FRMD6: variants seen among roughly 807,000 people sequenced by gnomAD.
The protein encoded by FRMD6 is FERM domain-containing protein 6.
A neutral mutation model predicts 73.2 loss-of-function variants in FRMD6; 37 were observed. The observed-to-expected ratio is 0.51, with a 90% confidence interval of 0.39 to 0.66. The LOEUF is 0.66. Ranked by LOEUF, FRMD6 falls within the 30% of genes least tolerant of loss-of-function variation. The probability of loss-of-function intolerance (pLI) is 0.00; values close to 1 mark genes in which losing one functional copy is unlikely to be tolerated. For missense variants in FRMD6, 714 were observed against 780.5 expected, an observed-to-expected ratio of 0.91 and a Z score of 1.02; for synonymous variants, 273 against 282.2, an observed-to-expected ratio of 0.97 and a Z score of 0.33.
chr14:51,680,600 TATG>T (rs1480504041), intron 1 of FRMD6, among the ~76,000 whole-genome samples: 13 of 152,090 alleles, frequency 8.5e-5, no homozygotes, highest in Admixed American at 2.6e-4. Flanking sequence ...ACAGAATACT[TATG>T]ATCTTTTTCT....
At chr14:51,693,162 A>T (rs1423671475) in intron 2 of FRMD6, among the ~76,000 whole-genome samples, 1 of 152,204 alleles carries the variant, frequency 6.6e-6, no homozygotes, top group Non-Finnish European at 1.5e-5. Flanking sequence ...TGACTTTGGG[A>T]AAGTTAATTA....
At chr14:51,672,216 A>G (rs1894057895) in intron 1 of FRMD6, among the ~76,000 whole-genome samples, 1 of 152,228 alleles carries the variant, frequency 6.6e-6, no homozygotes, top group South Asian at 2.1e-4. Flanking sequence ...TTGCTTGCTG[A>G]CTGTCTGGAG....
At chr14:51,427,128 C>G in the FRMD6 span, among the ~76,000 whole-genome samples, 1 of 152,134 alleles carries the variant, frequency 6.6e-6, no homozygotes, top group Non-Finnish European at 1.5e-5. Flanking sequence ...CCTTGAGGCT[C>G]AGGACCTTTT....
chr14:51,554,002 G>T (rs1016516060), intron 1 of FRMD6, among the ~76,000 whole-genome samples: 9 of 152,102 alleles, frequency 5.9e-5, no homozygotes, highest in African/African-American at 2.2e-4. Context: ...GGGATTCTTG[G>T]AGACACGAAT....
the FRMD6 span, among the ~76,000 whole-genome samples, chr14:51,479,279 T>C: frequency 3.3e-5 from 5 of 152,206 alleles, no homozygotes; most frequent in East Asian, 1.9e-4. Context: ...TATGCGCACA[T>C]TGTACAAACA....
chr14:51,607,594 A>T (rs962246498), intron 2 of FRMD6, among the ~76,000 whole-genome samples: 1 of 151,750 alleles, frequency 6.6e-6, no homozygotes, highest in African/African-American at 2.4e-5. Context: ...CCCCCATACC[A>T]CTCGCTCCTC....
intron 1 of FRMD6, among the ~76,000 whole-genome samples, chr14:51,531,095 G>C (rs947213253): frequency 6.6e-6 from 1 of 152,140 alleles, no homozygotes; most frequent in African/African-American, 2.4e-5. Context: ...GCATTAATCT[G>C]TTTATAATGG....
chr14:51,700,557 T>C (rs1320388506), intron 3 of FRMD6, among the ~76,000 whole-genome samples: 1 of 152,054 alleles, frequency 6.6e-6, no homozygotes, highest in Admixed American at 6.6e-5. Context: ...GTCTTAAAGA[T>C]TAGTCTTCAC....
chr14:51,658,020 GGA>G (rs1480374900), intron 1 of FRMD6, among the ~76,000 whole-genome samples: 1 of 152,136 alleles, frequency 6.6e-6, no homozygotes, highest in South Asian at 2.1e-4. Flanking sequence ...CATGCTTGTT[GGA>G]GAGAGAGAAG....
chr14:51,498,999 G>A (rs1322804391), intron 1 of FRMD6, among the ~76,000 whole-genome samples: 2 of 152,236 alleles, frequency 1.3e-5, no homozygotes, highest in Non-Finnish European at 2.9e-5. Context: ...CATTTGGAAA[G>A]ATTCCACCCA....
At chr14:51,506,520 A>G (rs927484730) in intron 1 of FRMD6, among the ~76,000 whole-genome samples, 2 of 152,352 alleles carry the variant, frequency 1.3e-5, no homozygotes, top group East Asian at 3.9e-4. Flanking sequence ...ACTGGAAGAG[A>G]TTAAAAAGAC....
intron 11 of FRMD6, among the ~76,000 whole-genome samples, 196 bp from the exon 12 acceptor site, chr14:51,721,753 A>AGGAAGGAAGGAG (rs1566598530): frequency 2.8e-5 from 3 of 108,706 alleles, no homozygotes; most frequent in African/African-American, 1.0e-4. Context: ...GAAGGGAGGA[A>AGGAAGGAAGGAG]GGAAGGAGGG....
the FRMD6 span, among the ~76,000 whole-genome samples, chr14:51,458,659 C>A: frequency 6.6e-6 from 1 of 152,174 alleles, no homozygotes; most frequent in Non-Finnish European, 1.5e-5. Context: ...TGAAAGGGCA[C>A]CTGGACTGTG....
At chr14:51,711,382 T>C in intron 7 of FRMD6, 149 bp from the exon 8 acceptor site, 1 of 475,260 alleles carries the variant, frequency 2.1e-6, no homozygotes. Context: ...GGAAACTAGG[T>C]ATGTGGAAAG....
At chr14:51,492,917 G>A (rs147970319) in intron 1 of FRMD6, among the ~76,000 whole-genome samples, 82 of 152,236 alleles carry the variant, frequency 5.4e-4, no homozygotes, top group South Asian at 1.9e-3. Flanking sequence ...TCCATGCTGC[G>A]TCCACCATGG....
intron 2 of FRMD6, among the ~76,000 whole-genome samples, chr14:51,640,323 T>G (rs1017081320): frequency 6.6e-6 from 1 of 152,220 alleles, no homozygotes; most frequent in East Asian, 1.9e-4. Context: ...CAGAAATATT[T>G]TAGATCTGGC....
chr14:51,576,505 T>C (rs923204246), intron 2 of FRMD6, among the ~76,000 whole-genome samples: 2 of 152,182 alleles, frequency 1.3e-5, no homozygotes, highest in African/African-American at 4.8e-5. Flanking sequence ...AGCAGAATGC[T>C]TTAAATTTTT....
chr14:51,418,836 G>T, the FRMD6 span, among the ~76,000 whole-genome samples: 1 of 152,242 alleles, frequency 6.6e-6, no homozygotes, highest in Non-Finnish European at 1.5e-5. Flanking sequence ...GGTCCACCCA[G>T]TTTGAGCTTC....
intron 1 of FRMD6, among the ~76,000 whole-genome samples, chr14:51,652,480 G>A (rs1442342119): frequency 2.0e-5 from 3 of 152,230 alleles, no homozygotes; most frequent in Non-Finnish European, 1.5e-5. Flanking sequence ...CTGGGCGCCG[G>A]GACTAGCACC....
Sources: allele counts gnomAD v4.1 joint callset (sites outside exome capture counted in the v4.1 genomes callset), GRCh38; gene constraint gnomAD v4.1.1; transcripts MANE v1.5; gene names NCBI Gene and HGNC (gene_info 2026-07-23, HGNC 2026-07-21).